The following HSF5 variants were observed in gnomAD, a reference collection of about 807,000 sequenced individuals.
HSF5 encodes the protein heat shock factor protein 5.
A neutral mutation model predicts 50.8 loss-of-function variants in HSF5; 5 were observed. The observed-to-expected ratio is 0.10, with a 90% CI of 0.05 to 0.21. The LOEUF (loss-of-function observed/expected upper bound fraction) is 0.21. Among genes scored for constraint, HSF5 ranks in the 10% least tolerant of loss-of-function variants. HSF5 has a pLI of 1.00. For missense variants in HSF5, 564 were observed against 762.6 expected (o/e 0.74, Z 3.07); for synonymous variants, 307 against 307.4 (o/e 1.00, Z 0.02).
At position 58,463,139 on chromosome 17, in the gene HSF5, A is replaced by G; in HGVS notation, c.1185T>C (p.Pro395=). 6.2e-7 allele frequency: 1 copy of G among 1,614,220 alleles called. No homozygotes were observed. ...SPKLEMVKVE[P]VENQCPTSPS... ...GAGATGTTGGGCACTGATTCTCAAC[A>G]GGCTCCACCTTTACCATCTCCAATT... The change falls in exon 4 of 6, where the codon CCT becomes CCC. Residue 395 remains proline (P), a synonymous_variant. Transcript: ENST00000323777.
chr17:58,422,694 C>CT lies in HSF5; in HGVS notation c.1721-265dup, dbSNP rs34142135. Among the ~76,000 whole-genome samples the CT allele has an allele frequency of 6.5e-3, 819 of 125,188 alleles. 7 individuals are homozygous for CT. The highest frequency in any genetic ancestry group is 0.014 in the African/African-American group (450 of 33,252). 82.1% of individuals were successfully genotyped at this position (125,188 alleles called of 152,430 possible). ...CCAAGACTCTTTTCACCTCAGTTGC[C>CT]TTTTTTTTTTTTTTTTTTGAGACGG... On this transcript the variant is annotated intron_variant, in intron 5 of 5. Coordinates refer to ENST00000323777, the MANE Select transcript of HSF5 (RefSeq NM_001080439.3).
In HSF5 at chr17:58,422,312, T is replaced by G. The variant is rs773881868; in HGVS notation, c.*48A>C. 7.5e-7 allele frequency: 1 copy of G among 1,341,470 alleles called. No individual in the cohort carries two copies. The highest frequency in any genetic ancestry group is 1.7e-5 in the Admixed American group (1 of 57,246). 83.1% of individuals were successfully genotyped at this position (1,341,470 alleles called of 1,614,324 possible). A position where few individuals can be genotyped will look rare whatever the true frequency, so the allele number is the denominator to read the frequency against. ...CAGTTTGTCATGTGCAAGGCTAGTC[T>G]GCCTCCAGCTACAGCTAGTGCACAA... On this transcript the variant is annotated 3_prime_UTR_variant, in exon 6 of 6. Coordinates refer to ENST00000323777, the MANE Select transcript of HSF5 (RefSeq NM_001080439.3).
intron 1 of HSF5, among the ~76,000 whole-genome samples, chr17:58,485,621 C>A (rs1051531955): frequency 1.3e-5 from 2 of 151,562 alleles, no homozygotes; most frequent in African/African-American, 4.9e-5. Context: ...GGTGGCCACG[C>A]CTGTAGTCCC....
chr17:58,477,465 T>C (rs1975032002), intron 2 of HSF5, among the ~76,000 whole-genome samples: 3 of 143,054 alleles, frequency 2.1e-5, no homozygotes, highest in African/African-American at 5.4e-5. Flanking sequence ...CATTCCCCTT[T>C]TTTTTTTTTT....
intron 5 of HSF5, among the ~76,000 whole-genome samples, chr17:58,424,143 T>G (rs1598177593): frequency 6.6e-6 from 1 of 152,024 alleles, no homozygotes; most frequent in Admixed American, 6.6e-5. Flanking sequence ...GGAAGGAGAG[T>G]TTATCAGTTT....
At position 58,463,049 on chromosome 17, in the gene HSF5, C is replaced by G. The variant is rs1287591710; in HGVS notation, c.1275G>C (p.Gln425His). ...GAGTAAGTGGCTCCAGCTGGCTAGC[C>G]TGACTTGCAGAACATGGATTGCTGT... ...SNNSNPCSAS[Q>H]ASQLEPLTPV... is the part of the protein sequence containing the mutation. Residue 425 changes from glutamine (Q) to histidine (H), a missense_variant, in exon 4 of 6, where the codon CAG becomes CAC. This residue lies in a region of HSF5 where 441 missense variants were observed against 533.6 expected (regional missense o/e 0.83). Coordinates refer to ENST00000323777, the MANE Select transcript of HSF5 (RefSeq NM_001080439.3). The G allele has an allele frequency of 4.3e-6, 7 of 1,614,092 alleles. No individual in the cohort carries two copies. The highest frequency in any genetic ancestry group is 1.1e-5 in the South Asian group (1 of 91,092).
intron 5 of HSF5, among the ~76,000 whole-genome samples, chr17:58,429,273 G>A (rs2632523): frequency 0.15 from 23,399 of 152,202 alleles, 2,141 homozygotes; most frequent in Middle Eastern, 0.22. Context: ...ACTGTTTAAT[G>A]GTTATGGGTT....
chr17:58,463,010 A>G lies in HSF5; in HGVS notation c.1314T>C (p.Asp438=). The G allele has an allele frequency of 1.2e-6, 2 of 1,614,248 alleles. No homozygotes were observed. Among genetic ancestry groups the G allele is most frequent in the South Asian group, 1.1e-5 (1 of 91,084 alleles). ...QLEPLTPVGS[D]IMSFVVGTEQ... is the part of the protein sequence containing the mutation. ...CTGTTCCAACCACAAAAGACATAATATCTGAGCCTACAGGAGTAAGTGGCT... is the reference window on the plus strand; with the variant it reads ...CTGTTCCAACCACAAAAGACATAATGTCTGAGCCTACAGGAGTAAGTGGCT... The change falls in exon 4 of 6, where the codon GAT becomes GAC. Residue 438 remains aspartate (D), a synonymous_variant. Transcript: ENST00000323777.
In HSF5 at chr17:58,443,684, G is replaced by C. The variant is rs552474226; in HGVS notation, c.1720+15084C>G. 2.6e-5 allele frequency among the ~76,000 whole-genome samples: 4 copies of C among 152,306 alleles called. No homozygotes were observed. In the South Asian group the frequency reaches 8.3e-4, roughly 32 times the overall value. ...TAGTTTCTCTTGTTATATTAGTTCAGTAGTCTAGTACGTGTAACCATAAAG... is the reference window on the plus strand; with the variant it reads ...TAGTTTCTCTTGTTATATTAGTTCACTAGTCTAGTACGTGTAACCATAAAG... On this transcript the variant is annotated intron_variant, in intron 5 of 5. Transcript: ENST00000323777.
At chr17:58,425,598 A>C (rs958301736) in intron 5 of HSF5, among the ~76,000 whole-genome samples, 1 of 151,068 alleles carries the variant, frequency 6.6e-6, no homozygotes, top group Non-Finnish European at 1.5e-5. Context: ...AAAAAAAAAA[A>C]AAAACAGGTT....
At chr17:58,428,385 C>T (rs1333977365) in intron 5 of HSF5, among the ~76,000 whole-genome samples, 2 of 152,080 alleles carry the variant, frequency 1.3e-5, no homozygotes, top group Non-Finnish European at 2.9e-5. Flanking sequence ...GAAGGCCAGG[C>T]GCGGTGGCTC....
rs1383850632 is a variant in HSF5, at chr17:58,466,949, A to G, written c.956T>C (p.Met319Thr). ...AGTGACACAACTACTTAGAGCATCC[A>G]TGTGGGTAGGAGAACAGCACTGTAG... ...AVLQCCSPTH[M>T]DALSSCVTPT... is the part of the protein sequence containing the mutation. The change falls in exon 3 of 6, where the codon ATG becomes ACG. Residue 319 changes from methionine (M) to threonine (T), a missense_variant. This residue lies in a region of HSF5 where 441 missense variants were observed against 533.6 expected (regional missense o/e 0.83). Transcript: ENST00000323777. 5 of 1,611,572 alleles carry G rather than the reference A, an allele frequency of 3.1e-6. No homozygotes were observed. Among genetic ancestry groups the G allele is most frequent in the Non-Finnish European group, 4.2e-6 (5 of 1,177,836 alleles).
At chr17:58,453,094 G>A (rs1054565551) in intron 5 of HSF5, among the ~76,000 whole-genome samples, 7 of 152,158 alleles carry the variant, frequency 4.6e-5, no homozygotes, top group African/African-American at 1.7e-4. Context: ...TGGCTTCACT[G>A]CTAAATTCTA....
chr17:58,446,565 G>A (rs766835629), intron 5 of HSF5, among the ~76,000 whole-genome samples: 13 of 152,190 alleles, frequency 8.5e-5, no homozygotes, highest in Non-Finnish European at 1.5e-4. Flanking sequence ...TGGGCCAGAA[G>A]ATAATCCACT....
At chr17:58,431,054 T>C (rs1017216438) in intron 5 of HSF5, among the ~76,000 whole-genome samples, 2 of 152,154 alleles carry the variant, frequency 1.3e-5, no homozygotes, top group Non-Finnish European at 2.9e-5. Context: ...GTTCTGATGA[T>C]AGTGAATAGT....
intron 2 of HSF5, among the ~76,000 whole-genome samples, chr17:58,467,630 A>G (rs930809941): frequency 4.6e-5 from 7 of 152,262 alleles, no homozygotes; most frequent in African/African-American, 1.7e-4. Flanking sequence ...CAGAATATAG[A>G]ACCTACCAAA....
At chr17:58,486,358 T>C (rs772187569) in intron 1 of HSF5, among the ~76,000 whole-genome samples, 29 of 152,222 alleles carry the variant, frequency 1.9e-4, no homozygotes, top group Admixed American at 7.2e-4. Flanking sequence ...AGAGCGAAAC[T>C]CCGTCTCAAA....
Position 58,488,311 on chromosome 17 carries a change from G to C in HSF5, c.-37C>G, listed in dbSNP as rs762726842. ...GCCGGGGCCTCGCCCCCCGAGCCTA[G>C]CTCTCCCACACCGTTCTCGATCCCT... is the stretch of plus-strand genomic sequence containing the variant. On this transcript the variant is annotated 5_prime_UTR_variant, in exon 1 of 6. Transcript: ENST00000323777. The surrounding 1 kb of genome is among the most constrained non-coding windows in gnomAD (Gnocchi z 4.1). The C allele has an allele frequency of 1.4e-5, 20 of 1,441,292 alleles. No homozygotes were observed. Among genetic ancestry groups the C allele is most frequent in the Non-Finnish European group, 1.8e-5 (20 of 1,108,978 alleles). The allele number at this position is 1,441,292 out of a possible 1,614,324, so 89.3% of individuals were successfully genotyped here. A position where few individuals can be genotyped will look rare whatever the true frequency, so the allele number is the denominator to read the frequency against.
chr17:58,423,692 A>G (rs1401942309), intron 5 of HSF5, among the ~76,000 whole-genome samples: 1 of 151,676 alleles, frequency 6.6e-6, no homozygotes, highest in Non-Finnish European at 1.5e-5. Context: ...TGTTGGCCAG[A>G]CTGGTCTCAA....
Sources: allele counts gnomAD v4.1 joint callset (sites outside exome capture counted in the v4.1 genomes callset), GRCh38; gene constraint gnomAD v4.1.1; regional missense constraint gnomAD v4.1.1; non-coding constraint Gnocchi (gnomAD v3.1); transcripts MANE v1.5; gene names NCBI Gene and HGNC (gene_info 2026-07-23, HGNC 2026-07-21).